OSBPL10: variants seen among roughly 807,000 people sequenced by gnomAD.
OSBPL10 encodes the protein oxysterol-binding protein-related protein 10.
In OSBPL10, 49 loss-of-function variants were observed where a neutral mutation model predicts 81.7. The ratio of observed to expected loss-of-function variants is 0.60; its 90% CI spans 0.48 to 0.76. The LOEUF (loss-of-function observed/expected upper bound fraction) is 0.76. Among genes scored for constraint, OSBPL10 ranks in the 30% least tolerant of loss-of-function variants. OSBPL10 has a pLI of 0.00. For synonymous variants in OSBPL10, 419 were observed against 383.6 expected (o/e 1.09, Z -1.08); for missense variants, 923 against 987.8 (o/e 0.93, Z 0.88).
intron 1 of OSBPL10, among the ~76,000 whole-genome samples, chr3:32,067,224 T>A (rs1050502172): frequency 6.6e-6 from 1 of 152,162 alleles, no homozygotes; most frequent in Non-Finnish European, 1.5e-5. Context: ...AATTTAAATT[T>A]TTTTGTAATT....
chr3:31,864,451 G>A (rs745859177), intron 3 of OSBPL10, among the ~76,000 whole-genome samples: 1 of 152,126 alleles, frequency 6.6e-6, no homozygotes, highest in Non-Finnish European at 1.5e-5. Context: ...TGTTGCCCAG[G>A]CTGGTCTCGA....
intron 6 of OSBPL10, among the ~76,000 whole-genome samples, chr3:31,728,474 T>G (rs1575504359): frequency 1.3e-5 from 2 of 152,202 alleles, no homozygotes; most frequent in Non-Finnish European, 2.9e-5. Context: ...CCCCTTTCCA[T>G]TTTACCCATA....
chr3:31,893,247 A>T (rs868249537), intron 1 of OSBPL10, among the ~76,000 whole-genome samples: 6 of 152,240 alleles, frequency 3.9e-5, no homozygotes, highest in Admixed American at 6.5e-5. Context: ...AGAAATGCAA[A>T]ATATTTCATT....
At chr3:32,036,858 C>CCTG (rs1699524216) in intron 2 of OSBPL10, among the ~76,000 whole-genome samples, 1 of 151,838 alleles carries the variant, frequency 6.6e-6, no homozygotes, top group South Asian at 2.1e-4. Context: ...AACCCACATT[C>CCTG]CTGATGATAC....
intron 1 of OSBPL10, among the ~76,000 whole-genome samples, chr3:31,897,658 T>C (rs1437572211): frequency 6.6e-6 from 1 of 152,000 alleles, no homozygotes; most frequent in Non-Finnish European, 1.5e-5. Flanking sequence ...AGAAAACCTT[T>C]AGAGAAACAA....
intron 5 of OSBPL10, among the ~76,000 whole-genome samples, chr3:31,741,090 T>TG (rs1466740079): frequency 2.6e-5 from 4 of 152,186 alleles, no homozygotes; most frequent in African/African-American, 9.7e-5. Context: ...ACAAGGCCCC[T>TG]GCAAGGTCTT....
chr3:31,765,858 T>C (rs1277715447), intron 4 of OSBPL10, among the ~76,000 whole-genome samples: 1 of 152,140 alleles, frequency 6.6e-6, no homozygotes, highest in Non-Finnish European at 1.5e-5. Context: ...AGAGAAAGTT[T>C]AGTAACAAAG....
intron 1 of OSBPL10, among the ~76,000 whole-genome samples, chr3:31,925,459 CT>C (rs1350394588): frequency 2.0e-5 from 3 of 150,588 alleles, no homozygotes; most frequent in Non-Finnish European, 4.4e-5. Flanking sequence ...ACCAGAGTGA[CT>C]GTTAAATTCA....
intron 4 of OSBPL10, among the ~76,000 whole-genome samples, chr3:31,821,384 T>C (rs1377990471): frequency 6.6e-6 from 1 of 152,140 alleles, no homozygotes; most frequent in African/African-American, 2.4e-5. Context: ...GGGGTGCTCA[T>C]AAGTTCTCAT....
intron 6 of OSBPL10, chr3:31,732,940 CCATCATGTCAATAGG>C: frequency 2.7e-6 from 1 of 367,032 alleles, no homozygotes; most frequent in South Asian, 2.7e-5. Flanking sequence ...GTAACTGCTC[CCATCATGTCAATAGG>C]CACCATGTTA....
At chr3:31,968,308 T>G (rs192023856) in intron 1 of OSBPL10, among the ~76,000 whole-genome samples, 10 of 151,908 alleles carry the variant, frequency 6.6e-5, no homozygotes, top group African/African-American at 2.4e-4. Context: ...CACAAAAGAA[T>G]TCAAAGTCTT....
At chr3:31,762,630 A>ATTGTTTTTTTTTTTTTTTTTT (rs1698080328) in intron 4 of OSBPL10, among the ~76,000 whole-genome samples, 2 of 61,514 alleles carry the variant, frequency 3.3e-5, no homozygotes, top group Admixed American at 2.4e-4. Flanking sequence ...CATGCCCAGC[A>ATTGTTTTTTTTTTTTTTTTTT]TTTTTTTTTT....
chr3:31,904,359 A>G (rs775417610), intron 1 of OSBPL10, among the ~76,000 whole-genome samples: 1 of 152,162 alleles, frequency 6.6e-6, no homozygotes, highest in Non-Finnish European at 1.5e-5. Flanking sequence ...CCCAGGCACT[A>G]AGGCACCAAG....
At chr3:31,709,123 T>C in intron 6 of OSBPL10, 2 of 801,858 alleles carry the variant, frequency 2.5e-6, no homozygotes, top group Non-Finnish European at 3.0e-6. Context: ...ATCTTATCCT[T>C]GACAGGTCCA....
chr3:32,044,409 T>TA (rs1699605313), intron 2 of OSBPL10, among the ~76,000 whole-genome samples: 1 of 148,910 alleles, frequency 6.7e-6, no homozygotes, highest in Non-Finnish European at 1.5e-5. Context: ...TAACATAATT[T>TA]AAAAAAATTT....
intron 2 of OSBPL10, among the ~76,000 whole-genome samples, chr3:31,877,758 A>G (rs186496667): frequency 3.3e-4 from 50 of 152,256 alleles, no homozygotes; most frequent in Non-Finnish European, 6.5e-4. Flanking sequence ...ACAAATCCCA[A>G]ATGATTTGTC....
At chr3:31,881,069 T>C (rs1212811605) in intron 1 of OSBPL10, among the ~76,000 whole-genome samples, 1 of 152,210 alleles carries the variant, frequency 6.6e-6, no homozygotes, top group Non-Finnish European at 1.5e-5. Flanking sequence ...CGTGTCAAGT[T>C]CTCCTGACCG....
chr3:31,933,209 CAG>C, intron 1 of OSBPL10, among the ~76,000 whole-genome samples: 1 of 152,118 alleles, frequency 6.6e-6, no homozygotes, highest in East Asian at 1.9e-4. Context: ...CCAGAGTGAG[CAG>C]ACTCATGAAT....
chr3:31,822,138 T>G (rs1173774562), intron 4 of OSBPL10: 1 of 152,252 alleles, frequency 6.6e-6, no homozygotes, highest in Non-Finnish European at 1.5e-5. Flanking sequence ...TCAGACTCTG[T>G]AAAAGGTTTA....
Sources: gnomAD v4.1 joint callset for allele counts (sites outside exome capture counted in the v4.1 genomes callset) on GRCh38, gnomAD v4.1.1 for gene constraint, MANE v1.5 for transcripts, NCBI Gene and HGNC (gene_info 2026-07-23, HGNC 2026-07-21) for gene names.